Variants in RAB37 observed in about 807,000 individuals in gnomAD.
The protein encoded by RAB37 is RAB37, member RAS oncogene family, also known as ras-related protein Rab-37.
Under a neutral mutation model 33.1 loss-of-function variants are expected in RAB37, and 29 were observed. The observed-to-expected ratio is 0.88, with a 90% CI of 0.65 to 1.20. RAB37 has a LOEUF of 1.20. RAB37 is among the 50% of genes most tolerant of loss of function. The pLI, the probability that RAB37 is intolerant of heterozygous loss-of-function variation, is 0.00. For missense variants in RAB37, 299 were observed against 301.1 expected, an observed-to-expected ratio of 0.99 and a Z score of 0.05; for synonymous variants, 128 against 119.5, an observed-to-expected ratio of 1.07 and a Z score of -0.47.
intron 1 of RAB37, among the ~76,000 whole-genome samples, chr17:74,684,658 C>T (rs190031882): frequency 1.1e-3 from 164 of 151,912 alleles, no homozygotes; most frequent in African/African-American, 3.8e-3. Flanking sequence ...CGCATGGTGG[C>T]GGGTCCCTGT....
At chr17:74,703,264 C>T in intron 1 of RAB37, 3 of 730,336 alleles carry the variant, frequency 4.1e-6, no homozygotes, top group Non-Finnish European at 6.8e-6. Context: ...TGGGAAGGGG[C>T]TGCAGCCTGG....
chr17:74,732,676 G>C (rs1472660518), upstream of RAB37, among the ~76,000 whole-genome samples: 2 of 91,874 alleles, frequency 2.2e-5, no homozygotes, highest in Non-Finnish European at 4.9e-5. Context: ...TGTGTATGTG[G>C]CGTGAGATGT....
intron 1 of RAB37, among the ~76,000 whole-genome samples, chr17:74,683,692 T>TG (rs2031999194): frequency 6.6e-6 from 1 of 152,192 alleles, no homozygotes; most frequent in Non-Finnish European, 1.5e-5. Flanking sequence ...CCTGGCTCTG[T>TG]GGGGTAGTTT....
At chr17:74,691,865 CA>C (rs1229114012) in intron 1 of RAB37, among the ~76,000 whole-genome samples, 2 of 149,846 alleles carry the variant, frequency 1.3e-5, no homozygotes, top group African/African-American at 4.9e-5. Flanking sequence ...TATGTTATGC[CA>C]TTTTTTTTTT....
chr17:74,703,935 G>A (rs1489065370), intron 1 of RAB37, among the ~76,000 whole-genome samples: 5 of 152,230 alleles, frequency 3.3e-5, no homozygotes, highest in African/African-American at 9.6e-5. Flanking sequence ...GCTCATGGTG[G>A]GATGTCAGGG....
At chr17:74,725,706 C>G (rs887852985) in intron 1 of RAB37, among the ~76,000 whole-genome samples, 1 of 151,976 alleles carries the variant, frequency 6.6e-6, no homozygotes, top group Admixed American at 6.6e-5. Context: ...TCACCGCAAC[C>G]TCCACCACCC....
At chr17:74,709,442 C>T (rs557618261) in intron 1 of RAB37, among the ~76,000 whole-genome samples, 2 of 152,258 alleles carry the variant, frequency 1.3e-5, no homozygotes, top group South Asian at 4.1e-4. Context: ...TAGTGCGAGA[C>T]ATTCATATGT....
intron 1 of RAB37, among the ~76,000 whole-genome samples, chr17:74,724,156 C>G (rs1424546529): frequency 6.6e-6 from 1 of 152,142 alleles, no homozygotes; most frequent in Non-Finnish European, 1.5e-5. Context: ...GACATGTGGC[C>G]AAGGTGGTCA....
rs778938457 is a variant in RAB37 at position 74,744,463 on chromosome 17, T to G, written c.432+90T>G. 7.8e-7 allele frequency: 1 copy of G among 1,280,230 alleles called. No homozygotes were observed. The allele number at this position is 1,280,230 out of a possible 1,614,324, so 79.3% of individuals were successfully genotyped here. A position where few individuals can be genotyped will look rare whatever the true frequency, so the allele number is the denominator to read the frequency against. The stretch of plus-strand genomic sequence containing the variant: ...CCACCCAAGAACAGTTATCTAGGCA[T>G]CCTTCCTGAAAAGGACTCTGCAGCC... On this transcript the variant is annotated intron_variant, in intron 6 of 8. Coordinates refer to ENST00000392613, the MANE Select transcript of RAB37 (RefSeq NM_001006638.3). This position sits in a 1 kb window ranked among gnomAD's most constrained non-coding sequence, Gnocchi z 4.2.
chr17:74,704,371 C>T, intron 1 of RAB37: 1 of 846,328 alleles, frequency 1.2e-6, no homozygotes, highest in East Asian at 2.5e-5. Flanking sequence ...AGACTCGGGA[C>T]TCAAGTGATA....
intron 1 of RAB37, chr17:74,698,577 T>C: frequency 3.4e-6 from 5 of 1,491,452 alleles, no homozygotes; most frequent in Non-Finnish European, 4.5e-6. Context: ...GCCACACACC[T>C]GATGAGCTGC....
At chr17:74,695,731 GA>G in intron 1 of RAB37, 1 of 1,614,158 alleles carries the variant, frequency 6.2e-7, no homozygotes. Context: ...GCACCATGGT[GA>G]CATATTCCAC....
rs574879081 is a variant in RAB37, at chr17:74,693,647, G to C, written c.72+21989G>C. On this transcript the variant is annotated intron_variant, in intron 1 of 7. Coordinates refer to the RAB37 transcript ENST00000340415. ...TTGCTAAAATAAAGATAATAACTCT[G>C]TCTGGGTGTGGTGGCTCACACCTAT... 6.6e-5 allele frequency among the ~76,000 whole-genome samples: 10 copies of C among 151,918 alleles called. No homozygotes were observed. In the South Asian group the frequency reaches 2.1e-3, roughly 32 times the overall value.
chr17:74,691,713 G>A (rs1158107080), intron 1 of RAB37, among the ~76,000 whole-genome samples: 1 of 152,122 alleles, frequency 6.6e-6, no homozygotes, highest in East Asian at 1.9e-4. Context: ...TATATTACCA[G>A]AAAAGATGAA....
upstream of RAB37, chr17:74,737,155 G>A: frequency 6.4e-7 from 1 of 1,572,312 alleles, no homozygotes; most frequent in Non-Finnish European, 8.6e-7. Context: ...ACGGGACGGA[G>A]GGAGGAGCCT....
chr17:74,674,049 G>T (rs1020976501), intron 1 of RAB37, among the ~76,000 whole-genome samples: 18 of 152,114 alleles, frequency 1.2e-4, no homozygotes, highest in African/African-American at 4.3e-4. Context: ...TCCATGAGAA[G>T]CAGGGCTCCC....
At chr17:74,675,146 T>G (rs1224932817) in intron 1 of RAB37, among the ~76,000 whole-genome samples, 1 of 152,128 alleles carries the variant, frequency 6.6e-6, no homozygotes, top group Non-Finnish European at 1.5e-5. Flanking sequence ...ATAGGAAGCA[T>G]TCAATAAAAG....
chr17:74,710,081 C>A (rs2033835066), intron 1 of RAB37, among the ~76,000 whole-genome samples: 1 of 152,142 alleles, frequency 6.6e-6, no homozygotes. Context: ...CGGGTTCACG[C>A]CATTCTCCTG....
At chr17:74,711,047 T>TA (rs1440402642) in intron 1 of RAB37, among the ~76,000 whole-genome samples, 1 of 151,822 alleles carries the variant, frequency 6.6e-6, no homozygotes, top group Non-Finnish European at 1.5e-5. Flanking sequence ...TCAAAAAAAA[T>TA]AAAAAACCTT....
Sources: allele counts gnomAD v4.1 joint callset (sites outside exome capture counted in the v4.1 genomes callset), GRCh38; gene constraint gnomAD v4.1.1; non-coding constraint Gnocchi (gnomAD v3.1); transcripts MANE v1.5; gene names NCBI Gene and HGNC (gene_info 2026-07-23, HGNC 2026-07-21).